The following CACNA1D variants were observed in gnomAD, a reference collection of about 807,000 sequenced individuals.
The protein encoded by CACNA1D is voltage-dependent L-type calcium channel subunit alpha-1D.
A neutral mutation model predicts 257.1 loss-of-function variants in CACNA1D; 55 were observed. The observed-to-expected ratio is 0.21, with a 90% CI of 0.17 to 0.27. The LOEUF (loss-of-function observed/expected upper bound fraction) is 0.27, where lower values mean the gene tolerates loss of function less well. CACNA1D is among the 10% of genes least tolerant of loss of function. The pLI is 1.00. For missense variants in CACNA1D, 1,876 were observed against 2,784.0 expected, an observed-to-expected ratio of 0.67 and a Z score of 7.34; for synonymous variants, 980 against 1,014.9, an observed-to-expected ratio of 0.97 and a Z score of 0.65.
intron 39 of CACNA1D, 162 bp downstream of exon 39, chr3:53,781,829 T>C (rs1309071106): frequency 3.0e-6 from 2 of 677,384 alleles, no homozygotes; most frequent in Non-Finnish European, 5.4e-6. Context: ...GTGTGATTAT[T>C]TTGGGGGTGA....
rs1559730315 is a variant in CACNA1D at position 53,810,022 on chromosome 3, C to T, written c.5916C>T (p.Tyr1972=). Residue 1972 remains tyrosine, a synonymous_variant, in exon 47 of 48, where the codon TAC becomes TAT. Coordinates refer to ENST00000350061, the MANE Select transcript of CACNA1D (RefSeq NM_001128840.3). The part of the protein sequence containing the change: ...AGLDSSKAQK[Y]SPSHSTRSWA... ...TAGATTCAAGTAAAGCCCAGAAGTA[C>T]TCACCGAGTCACTCGACCCGGTCGT... The T allele has an allele frequency of 1.2e-6, 2 of 1,613,916 alleles. No individual in the cohort carries two copies. Among genetic ancestry groups the T allele is most frequent in the Non-Finnish European group, 1.7e-6 (2 of 1,180,040 alleles).
intron 15 of CACNA1D, among the ~76,000 whole-genome samples, chr3:53,729,279 A>G (rs978494972): frequency 6.6e-6 from 1 of 152,238 alleles, no homozygotes; most frequent in Non-Finnish European, 1.5e-5. Context: ...AAAACCTTGA[A>G]TAGATTAGTC....
chr3:53,809,914 CAGA>C (rs777869486), intron 46 of CACNA1D, 61 bp from the exon 47 acceptor site: 8 of 1,493,898 alleles, frequency 5.4e-6, no homozygotes, highest in African/African-American at 1.4e-5. Flanking sequence ...GGTCTGTGCG[CAGA>C]AGGTTTGAGG....
At chr3:53,500,197 T>C (rs2090532878) in intron 2 of CACNA1D, among the ~76,000 whole-genome samples, 1 of 144,648 alleles carries the variant, frequency 6.9e-6, no homozygotes, top group African/African-American at 2.5e-5. Context: ...AGCAGATTGC[T>C]TGAGTCCAGG....
At chr3:53,600,093 G>T (rs1377874692) in intron 3 of CACNA1D, among the ~76,000 whole-genome samples, 1 of 152,208 alleles carries the variant, frequency 6.6e-6, no homozygotes, top group Non-Finnish European at 1.5e-5. Flanking sequence ...CAGAAACAAG[G>T]GGCCTGAGTT....
intron 1 of CACNA1D, among the ~76,000 whole-genome samples, chr3:53,496,336 G>C (rs1024717691): frequency 2.0e-5 from 3 of 152,216 alleles, no homozygotes; most frequent in African/African-American, 7.2e-5. Context: ...CAACCTACAC[G>C]GAGATAATTC....
Position 53,673,577 on chromosome 3 carries a change from AGGG to A in CACNA1D, c.1220+452_1220+454del. ...CTTATTTGCAGAAAAAAAAAAAAAA[AGGG>A]AAGGACCTAGGCCCAGTCCCTGTCC... On this transcript the variant is annotated intron_variant, in intron 8 of 47. Coordinates refer to ENST00000350061, the MANE Select transcript of CACNA1D (RefSeq NM_001128840.3). This position sits in a 1 kb window ranked among gnomAD's most constrained non-coding sequence, Gnocchi z 4.1. The A allele has an allele frequency of 1.6e-6, 1 of 643,724 alleles. No homozygotes were observed. The highest frequency in any genetic ancestry group is 2.8e-6 in the Non-Finnish European group (1 of 363,236). 39.9% of individuals were successfully genotyped at this position (643,724 alleles called of 1,614,324 possible). A position where few individuals can be genotyped will look rare whatever the true frequency, so the allele number is the denominator to read the frequency against.
chr3:53,610,126 G>A (rs1463013896), intron 3 of CACNA1D, among the ~76,000 whole-genome samples: 1 of 152,144 alleles, frequency 6.6e-6, no homozygotes, highest in Non-Finnish European at 1.5e-5. Context: ...CATTTTCAAT[G>A]TATTAATGCT....
intron 3 of CACNA1D, among the ~76,000 whole-genome samples, chr3:53,588,036 C>T (rs1374481645): frequency 2.6e-5 from 4 of 152,140 alleles, no homozygotes; most frequent in Non-Finnish European, 5.9e-5. Flanking sequence ...GAAATACACT[C>T]ATAATGGTTT....
chr3:53,739,505 G>T (rs1029730769), intron 20 of CACNA1D, among the ~76,000 whole-genome samples: 2 of 152,202 alleles, frequency 1.3e-5, no homozygotes, highest in East Asian at 3.8e-4. Flanking sequence ...AGGGCTAGCA[G>T]GACTCTGCTG....
At position 53,756,527 on chromosome 3, in the gene CACNA1D, C is replaced by T. The variant is rs915793224; in HGVS notation, c.3786+2845C>T. 4.6e-5 allele frequency among the ~76,000 whole-genome samples: 7 copies of T among 152,142 alleles called. No homozygotes were observed. In the East Asian group the frequency reaches 9.6e-4, roughly 21 times the overall value. ...GGGAAAAGCAAGCAGGTGATTTAGC[C>T]GATTGTGGGTTCCCGAAGGGAAAGT... On this transcript the variant is annotated intron_variant, in intron 29 of 47. Coordinates refer to ENST00000350061, the MANE Select transcript of CACNA1D (RefSeq NM_001128840.3).
chr3:53,688,966 A>T (rs2094496558), intron 8 of CACNA1D, among the ~76,000 whole-genome samples: 1 of 152,050 alleles, frequency 6.6e-6, no homozygotes, highest in Non-Finnish European at 1.5e-5. Flanking sequence ...TTACTTACAA[A>T]CAGGCCCACA....
chr3:53,525,223 A>G (rs1209746316), intron 3 of CACNA1D, among the ~76,000 whole-genome samples: 2 of 152,196 alleles, frequency 1.3e-5, no homozygotes, highest in African/African-American at 2.4e-5. Context: ...TAGGTGGATT[A>G]TGCAGTGAGA....
intron 3 of CACNA1D, among the ~76,000 whole-genome samples, chr3:53,599,531 A>T (rs2093415107): frequency 1.3e-5 from 2 of 152,166 alleles, no homozygotes; most frequent in South Asian, 4.2e-4. Flanking sequence ...TTAAAGTCAG[A>T]CATACCTGAA....
chr3:53,520,900 T>TTTCTTTC lies in CACNA1D; in HGVS notation c.483+19182_483+19183insCTTTCTT, dbSNP rs879622099. On this transcript the variant is annotated intron_variant, in intron 3 of 47. Transcript: ENST00000350061. Reference sequence around the variant, plus strand: ...TTTCTTTCTTTCTTTCTTTCTTTTCTTTTCTTTTCTTTTCTTTTTCTTTCT... The same window carrying TTTCTTTC: ...TTTCTTTCTTTCTTTCTTTCTTTTCTTTCTTTCTTTCTTTTCTTTTCTTTTTCTTTCT... Among the ~76,000 whole-genome samples the TTTCTTTC allele has an allele frequency of 6.2e-3, 615 of 98,576 alleles. 4 individuals are homozygous for TTTCTTTC. Among genetic ancestry groups the TTTCTTTC allele is most frequent in the East Asian group, 0.011 (31 of 2,824 alleles). The allele number at this position is 98,576 out of a possible 152,430, so 64.7% of individuals were successfully genotyped here. A position where few individuals can be genotyped will look rare whatever the true frequency, so the allele number is the denominator to read the frequency against.
chr3:53,766,099 A>G (rs2095330428), intron 30 of CACNA1D: 1 of 152,284 alleles, frequency 6.6e-6, no homozygotes, highest in South Asian at 2.1e-4. Flanking sequence ...TAGAAGCTGT[A>G]TCTGCCTTAT....
At chr3:53,664,562 C>A (rs182105827) in intron 5 of CACNA1D, among the ~76,000 whole-genome samples, 6 of 152,376 alleles carry the variant, frequency 3.9e-5, no homozygotes. Flanking sequence ...TCAAGACTCA[C>A]CACCCTCAAG....
chr3:53,541,459 C>T (rs1328386961), intron 3 of CACNA1D, among the ~76,000 whole-genome samples: 6 of 152,110 alleles, frequency 3.9e-5, no homozygotes, highest in Admixed American at 2.0e-4. Flanking sequence ...GGAGAGCCTG[C>T]GCTTGTGTGG....
rs958614170 is a variant in CACNA1D at position 53,743,229 on chromosome 3, A to T, written c.2918+112A>T. ...CATTTTCATGATTATATTTAGTTAT[A>T]TAGGTTTATTTAATTTGCTCCCATT... is the stretch of plus-strand genomic sequence containing the variant. On this transcript the variant is annotated intron_variant, in intron 22 of 47. Coordinates refer to ENST00000350061, the MANE Select transcript of CACNA1D (RefSeq NM_001128840.3). The T allele has an allele frequency of 1.6e-5, 12 of 731,348 alleles. No individual in the cohort carries two copies. The Admixed American group carries it at 2.3e-4, about 14-fold the overall frequency. The allele number at this position is 731,348 out of a possible 1,614,324, so 45.3% of individuals were successfully genotyped here.
Sources: gnomAD v4.1 joint callset for allele counts (sites outside exome capture counted in the v4.1 genomes callset) on GRCh38, gnomAD v4.1.1 for gene constraint, Gnocchi (gnomAD v3.1) non-coding constraint, MANE v1.5 for transcripts, NCBI Gene and HGNC (gene_info 2026-07-23, HGNC 2026-07-21) for gene names.